Variants in MGAT4C observed in about 807,000 individuals in gnomAD.
MGAT4C encodes alpha-1,3-mannosyl-glycoprotein 4-beta-N-acetylglucosaminyltransferase C.
Under a neutral mutation model 40.1 loss-of-function variants are expected in MGAT4C, and 19 were observed. The ratio of observed to expected loss-of-function variants is 0.47; its 90% CI spans 0.33 to 0.70. The LOEUF (loss-of-function observed/expected upper bound fraction) is 0.70, where lower values mean the gene tolerates loss of function less well. Among genes scored for constraint, MGAT4C ranks in the 30% least tolerant of loss-of-function variants. The pLI is 0.02. For missense variants in MGAT4C, 491 were observed against 563.2 expected (o/e 0.87, Z 1.30); for synonymous variants, 181 against 187.1 (o/e 0.97, Z 0.27).
rs887800519 is a variant in MGAT4C, at chr12:85,958,805, TAGAG to T, written c.*20480_*20483del. On this transcript the variant is annotated 3_prime_UTR_variant, in exon 5 of 5. Coordinates refer to ENST00000611864, the MANE Select transcript of MGAT4C (RefSeq NM_001351288.2). ...CCTTCAAAAACATAAATGTATTCTT[TAGAG>T]AGTTAAAAAAAGTAGCAATAAAATA... 4 of 152,070 alleles carry T rather than the reference TAGAG, an allele frequency of 2.6e-5. No individual in the cohort carries two copies. The highest frequency in any genetic ancestry group is 9.7e-5 in the African/African-American group (4 of 41,440). The allele number at this position is 152,070 out of a possible 1,614,324, so 9.4% of individuals were successfully genotyped here. A position where few individuals can be genotyped will look rare whatever the true frequency, so the allele number is the denominator to read the frequency against.
At chr12:86,383,427 C>G (rs1955986554) in intron 3 of MGAT4C, among the ~76,000 whole-genome samples, 1 of 151,898 alleles carries the variant, frequency 6.6e-6, no homozygotes, top group African/African-American at 2.4e-5. Flanking sequence ...TGGCATGCAC[C>G]TGTAGTCCTA....
chr12:86,383,657 T>C (rs10858422), intron 3 of MGAT4C, among the ~76,000 whole-genome samples: 99,086 of 151,538 alleles, frequency 0.65, 33,147 homozygotes, highest in South Asian at 0.77. Context: ...TTTCTCCCAT[T>C]TGGAACAACT....
intron 2 of MGAT4C, among the ~76,000 whole-genome samples, chr12:86,720,150 C>A (rs1486581598): frequency 2.0e-5 from 3 of 152,148 alleles, no homozygotes; most frequent in Non-Finnish European, 2.9e-5. Context: ...TTTCCATTTT[C>A]TCTAAATATG....
intron 1 of MGAT4C, among the ~76,000 whole-genome samples, chr12:86,234,780 C>T (rs1435380614): frequency 6.6e-6 from 1 of 152,126 alleles, no homozygotes; most frequent in Non-Finnish European, 1.5e-5. Context: ...TACCCCACTG[C>T]AACTGCTATT....
intron 4 of MGAT4C, among the ~76,000 whole-genome samples, chr12:86,277,795 T>C (rs954653792): frequency 1.3e-5 from 2 of 152,212 alleles, no homozygotes; most frequent in African/African-American, 4.8e-5. Context: ...TTGGTTACTA[T>C]AGTTATTTAG....
At chr12:86,080,068 A>G (rs1471165679) in intron 1 of MGAT4C, among the ~76,000 whole-genome samples, 1 of 152,076 alleles carries the variant, frequency 6.6e-6, no homozygotes, top group African/African-American at 2.4e-5. Flanking sequence ...CTAGAGGGCC[A>G]TAGCTAAGAT....
chr12:85,990,852 G>A (rs149979699), intron 2 of MGAT4C, among the ~76,000 whole-genome samples: 1 of 152,160 alleles, frequency 6.6e-6, no homozygotes, highest in Non-Finnish European at 1.5e-5. Flanking sequence ...GCACATAAAT[G>A]TATATCCTGA....
intron 2 of MGAT4C, among the ~76,000 whole-genome samples, chr12:86,592,422 A>G (rs1427721745): frequency 1.3e-5 from 2 of 152,078 alleles, no homozygotes; most frequent in Non-Finnish European, 2.9e-5. Context: ...TATATAATTT[A>G]TATAAAAGTG....
chr12:86,539,916 T>C (rs1959144264), intron 2 of MGAT4C, among the ~76,000 whole-genome samples: 1 of 152,194 alleles, frequency 6.6e-6, no homozygotes, highest in African/African-American at 2.4e-5. Flanking sequence ...GTAGTTCCAG[T>C]ATTAGCCCTT....
chr12:86,662,962 A>G (rs1355433596), intron 2 of MGAT4C, among the ~76,000 whole-genome samples: 1 of 152,148 alleles, frequency 6.6e-6, no homozygotes, highest in Non-Finnish European at 1.5e-5. Flanking sequence ...ATTGCAGTTA[A>G]AGTAATTTCC....
chr12:86,322,477 T>C (rs1389330296), intron 4 of MGAT4C, among the ~76,000 whole-genome samples: 1 of 152,168 alleles, frequency 6.6e-6, no homozygotes, highest in Non-Finnish European at 1.5e-5. Context: ...TCTTAACAGA[T>C]TATAAGTTTC....
At chr12:86,097,378 T>C (rs1026774023) in intron 1 of MGAT4C, among the ~76,000 whole-genome samples, 2 of 151,704 alleles carry the variant, frequency 1.3e-5, no homozygotes, top group Admixed American at 6.6e-5. Flanking sequence ...GACTTTAGAA[T>C]AACAATGAAA....
At chr12:86,208,802 T>A (rs1323799400) in intron 1 of MGAT4C, among the ~76,000 whole-genome samples, 1 of 152,194 alleles carries the variant, frequency 6.6e-6, no homozygotes, top group African/African-American at 2.4e-5. Context: ...TTCCAAATTC[T>A]AACAGTGTAT....
intron 1 of MGAT4C, among the ~76,000 whole-genome samples, chr12:86,144,345 G>T (rs900753281): frequency 6.6e-6 from 1 of 152,124 alleles, no homozygotes; most frequent in Admixed American, 6.5e-5. Flanking sequence ...AACGCTGATA[G>T]ATTCTCCTAA....
intron 2 of MGAT4C, among the ~76,000 whole-genome samples, chr12:86,048,321 TGGGA>T (rs1892595804): frequency 6.6e-6 from 1 of 151,620 alleles, no homozygotes; most frequent in Non-Finnish European, 1.5e-5. Flanking sequence ...GCAGAGAGTG[TGGGA>T]GGGAGGGAGT....
At chr12:86,782,942 C>T (rs1020262249) in intron 1 of MGAT4C, among the ~76,000 whole-genome samples, 2 of 152,108 alleles carry the variant, frequency 1.3e-5, no homozygotes, top group Admixed American at 1.3e-4. Flanking sequence ...CCAAACCGGT[C>T]TGTAGTATTT....
chr12:86,545,643 G>A (rs1366459486), intron 2 of MGAT4C, among the ~76,000 whole-genome samples: 1 of 151,758 alleles, frequency 6.6e-6, no homozygotes, highest in Non-Finnish European at 1.5e-5. Context: ...GAAACAGTGT[G>A]CTTTTTTCTC....
chr12:86,835,677 C>A (rs1341884832), intron 1 of MGAT4C, among the ~76,000 whole-genome samples: 1 of 151,916 alleles, frequency 6.6e-6, no homozygotes, highest in African/African-American at 2.4e-5. Flanking sequence ...TATTAGATAA[C>A]CGTATAGAAT....
At chr12:86,674,374 T>C (rs1399367244) in intron 2 of MGAT4C, among the ~76,000 whole-genome samples, 7 of 152,206 alleles carry the variant, frequency 4.6e-5, no homozygotes, top group African/African-American at 1.4e-4. Context: ...CCTATTTACA[T>C]GTGCACCATA....
Sources: allele counts gnomAD v4.1 joint callset (sites outside exome capture counted in the v4.1 genomes callset), GRCh38; gene constraint gnomAD v4.1.1; transcripts MANE v1.5; gene names NCBI Gene and HGNC (gene_info 2026-07-23, HGNC 2026-07-21).